Variants in ALDH1L1 observed in about 807,000 individuals in gnomAD.
ALDH1L1 encodes cytosolic 10-formyltetrahydrofolate dehydrogenase.
ALDH1L1 carries 68 observed loss-of-function variants against 101.1 expected under a neutral mutation model. That is an observed-to-expected ratio of 0.67 (90% CI 0.55 to 0.82). ALDH1L1 has a LOEUF of 0.82. Among genes scored for constraint, ALDH1L1 ranks in the 40% least tolerant of loss-of-function variants. The pLI is 0.00. For missense variants in ALDH1L1, 1,087 were observed against 1,172.7 expected, an observed-to-expected ratio of 0.93 and a Z score of 1.07; for synonymous variants, 486 against 470.8, an observed-to-expected ratio of 1.03 and a Z score of -0.42.
chr3:126,155,664 C>T (rs569385222), intron 4 of ALDH1L1, 161 bp from the exon 5 acceptor site: 7 of 560,024 alleles, frequency 1.2e-5, no homozygotes, highest in African/African-American at 9.6e-5. Context: ...AGGGAGTCAG[C>T]GTGAACCTAA....
At chr3:126,107,999 T>C (rs1375959280) in intron 20 of ALDH1L1, 1 of 152,220 alleles carries the variant, frequency 6.6e-6, no homozygotes, top group African/African-American at 2.4e-5. Flanking sequence ...CTCTAGTTTT[T>C]AGAGAAATAG....
intron 6 of ALDH1L1, among the ~76,000 whole-genome samples, chr3:126,154,060 T>G (rs2080858765): frequency 6.6e-6 from 1 of 152,158 alleles, no homozygotes; most frequent in Non-Finnish European, 1.5e-5. Context: ...TGAGACTGTG[T>G]GGGGGACAAG....
chr3:126,146,163 G>A lies in ALDH1L1; in HGVS notation c.1076+672C>T, dbSNP rs542601061. ...CAGTCACAGCCTTGGCCATGTGAAG[G>A]TGCAGCACCTGCTAGCAAGATGTGG... On this transcript the variant is annotated intron_variant, in intron 9 of 22. Transcript: ENST00000393434. Among the ~76,000 whole-genome samples the A allele has an allele frequency of 5.9e-5, 9 of 152,306 alleles. No individual in the cohort carries two copies. In the East Asian group the frequency reaches 1.7e-3, roughly 29 times the overall value.
intron 1 of ALDH1L1, among the ~76,000 whole-genome samples, chr3:126,163,069 C>G (rs983151125): frequency 3.9e-5 from 6 of 152,230 alleles, no homozygotes; most frequent in Middle Eastern, 6.8e-3. Context: ...TAACCTAAAG[C>G]TTTATTGTAG....
chr3:126,141,515 C>A (rs1161232848), intron 9 of ALDH1L1, among the ~76,000 whole-genome samples: 1 of 151,932 alleles, frequency 6.6e-6, no homozygotes, highest in East Asian at 1.9e-4. Context: ...CTTTCCTAAT[C>A]AAAATGGAAT....
intron 14 of ALDH1L1, among the ~76,000 whole-genome samples, chr3:126,127,769 A>T (rs1009484806): frequency 3.3e-5 from 5 of 152,150 alleles, no homozygotes; most frequent in African/African-American, 1.2e-4. Flanking sequence ...GTGAGGGTGG[A>T]CCCGGGGCTG....
chr3:126,122,813 G>A (rs1302506320), intron 16 of ALDH1L1, among the ~76,000 whole-genome samples: 2 of 152,072 alleles, frequency 1.3e-5, no homozygotes, highest in African/African-American at 4.8e-5. Context: ...AACTAAAAAT[G>A]TATACTGAAA....
chr3:126,103,818 C>A lies in ALDH1L1; in HGVS notation c.2682G>T (p.Arg894=). Residue 894 remains arginine, a synonymous_variant, in exon 23 of 23, where the codon CGG becomes CGT. Coordinates refer to ENST00000393434, the MANE Select transcript of ALDH1L1 (RefSeq NM_012190.4). The stretch of plus-strand genomic sequence containing the variant: ...AGTATTCGAAGGTCACTGTCTTGAC[C>A]CGCAGGTACTCGTTCAGAGCCGCCT... ...LGEAALNEYL[R]VKTVTFEY is the part of the protein sequence containing the mutation. The A allele has an allele frequency of 6.2e-6, 10 of 1,613,756 alleles. No individual in the cohort carries two copies. The highest frequency in any genetic ancestry group is 8.5e-6 in the Non-Finnish European group (10 of 1,179,878).
intron 19 of ALDH1L1, 140 bp downstream of exon 19, chr3:126,112,642 C>T: frequency 2.7e-6 from 2 of 739,404 alleles, no homozygotes; most frequent in East Asian, 2.5e-5. Flanking sequence ...CTGTGGGTTC[C>T]CTGACCCCCG....
chr3:126,159,669 A>G (rs1040756219), intron 2 of ALDH1L1: 26 of 386,424 alleles, frequency 6.7e-5, no homozygotes, highest in Non-Finnish European at 1.1e-4. Context: ...AGGACATCTG[A>G]GATCAAGGCC....
chr3:126,106,541 C>G (rs1945878253), intron 21 of ALDH1L1, among the ~76,000 whole-genome samples: 1 of 152,146 alleles, frequency 6.6e-6, no homozygotes, highest in African/African-American at 2.4e-5. Flanking sequence ...CTTGCTTCAT[C>G]AACAGGCCGT....
Position 126,136,900 on chromosome 3 carries a change from A to T in ALDH1L1, c.1225-17T>A, listed in dbSNP as rs752590196. On this transcript the variant is annotated splice_polypyrimidine_tract_variant and intron_variant, in intron 10 of 22. Transcript: ENST00000393434. Reference sequence around the variant, plus strand: ...CATTTCCACCTGAAAGAAAGGCCCCAGTGACAAGCACAAACCCATGCAGGG... The same window carrying T: ...CATTTCCACCTGAAAGAAAGGCCCCTGTGACAAGCACAAACCCATGCAGGG... 6.2e-7 allele frequency: 1 copy of T among 1,613,408 alleles called. No individual in the cohort carries two copies. The highest frequency in any genetic ancestry group is 1.3e-5 in the African/African-American group (1 of 75,052).
intron 8 of ALDH1L1, among the ~76,000 whole-genome samples, chr3:126,148,672 A>G (rs1474632122): frequency 6.6e-6 from 1 of 152,176 alleles, no homozygotes; most frequent in African/African-American, 2.4e-5. Context: ...CCTTGGCTCC[A>G]CAGCTGAGAC....
chr3:126,158,352 CT>C (rs1421667095), intron 3 of ALDH1L1, 52 bp downstream of exon 3: 1 of 1,453,636 alleles, frequency 6.9e-7, no homozygotes, highest in Non-Finnish European at 9.3e-7. Context: ...ACAAGTCAGG[CT>C]GATGGAGGGA....
intron 22 of ALDH1L1, chr3:126,104,225 G>A (rs1335028084): frequency 3.5e-5 from 9 of 258,438 alleles, no homozygotes; most frequent in Non-Finnish European, 6.7e-5. Flanking sequence ...TCAAGCTGTG[G>A]CTGGGAAAAG....
rs1279128267 is a variant in ALDH1L1 at position 126,130,274 on chromosome 3, T to C, written c.1643A>G (p.Asn548Ser). 1.2e-6 allele frequency: 2 copies of C among 1,610,466 alleles called. No individual in the cohort carries two copies. The highest frequency in any genetic ancestry group is 4.5e-5 in the East Asian group (2 of 44,512). Residue 548 changes from asparagine (N) to serine (S), a missense_variant, in exon 14 of 23, where the codon AAC becomes AGC. Around this residue, in one of 2 missense-constraint regions of ALDH1L1, gnomAD observed 442 missense variants for 535.7 expected, o/e 0.83. Coordinates refer to ENST00000393434, the MANE Select transcript of ALDH1L1 (RefSeq NM_012190.4). ...CAGGTTGCGGTTGGGTCTGGCCTGG[T>C]TGATGGGGATGGTGGAGCCCTGGAA... ...DKIQGSTIPI[N>S]QARPNRNLTL...
chr3:126,189,279 G>T (rs2081538718), intron 1 of ALDH1L1, among the ~76,000 whole-genome samples: 1 of 152,156 alleles, frequency 6.6e-6, no homozygotes, highest in Non-Finnish European at 1.5e-5. Context: ...ATCCTTCCAA[G>T]TAAAAAAGTA....
At chr3:126,183,944 T>C (rs1019862174), upstream of ALDH1L1, among the ~76,000 whole-genome samples, 2 of 152,192 alleles carry the variant, frequency 1.3e-5, no homozygotes, top group Non-Finnish European at 2.9e-5. Context: ...AGGATGTAAG[T>C]AGTTTGTGGC....
chr3:126,135,469 C>G, intron 12 of ALDH1L1, 66 bp downstream of exon 12: 1 of 561,254 alleles, frequency 1.8e-6, no homozygotes, highest in South Asian at 3.3e-5. Context: ...CCACAGAAGT[C>G]CCCCCCGTGC....
Sources: allele counts gnomAD v4.1 joint callset (sites outside exome capture counted in the v4.1 genomes callset), GRCh38; gene constraint gnomAD v4.1.1; regional missense constraint gnomAD v4.1.1; transcripts MANE v1.5; gene names NCBI Gene and HGNC (gene_info 2026-07-23, HGNC 2026-07-21).